SH3KBP1: variants seen among roughly 807,000 people sequenced by gnomAD.
The protein encoded by SH3KBP1 is SH3 domain-containing kinase-binding protein 1.
SH3KBP1 carries 8 observed loss-of-function variants against 50.1 expected under a neutral mutation model. The observed-to-expected ratio is 0.16, with a 90% confidence interval of 0.09 to 0.29. The LOEUF (loss-of-function observed/expected upper bound fraction) is 0.29. Ranked by LOEUF, SH3KBP1 falls within the 10% of genes least tolerant of loss-of-function variation. SH3KBP1 has a pLI of 1.00. For missense variants in SH3KBP1, 377 were observed against 535.2 expected, an observed-to-expected ratio of 0.70 and a Z score of 2.92; for synonymous variants, 227 against 218.6, an observed-to-expected ratio of 1.04 and a Z score of -0.34.
chrX:19,543,996 C>T (rs1167790073), intron 15 of SH3KBP1, among the ~76,000 whole-genome samples: 1 of 110,582 alleles, frequency 9.0e-6, no homozygotes, highest in Non-Finnish European at 1.9e-5. Context: ...AGCTTGGCAA[C>T]GCGGCCGTGA....
At chrX:19,763,975 A>G (rs1175598726) in intron 2 of SH3KBP1, among the ~76,000 whole-genome samples, 2 of 99,641 alleles carry the variant, frequency 2.0e-5, no homozygotes, top group Non-Finnish European at 4.0e-5. Context: ...ACAATTGCCC[A>G]CTGCATTCCA....
chrX:19,625,174 A>G (rs193253487), intron 8 of SH3KBP1, among the ~76,000 whole-genome samples: 46 of 112,109 alleles, frequency 4.1e-4, no homozygotes, highest in Non-Finnish European at 6.4e-4. Context: ...TGGGGTGGGA[A>G]GCAAGGAAGT....
intron 3 of SH3KBP1, among the ~76,000 whole-genome samples, chrX:19,736,999 G>C (rs752879815): frequency 9.5e-6 from 1 of 105,725 alleles, no homozygotes; most frequent in African/African-American, 3.5e-5. Flanking sequence ...CTTCACTTCC[G>C]AGGCTCAGAC....
chrX:19,847,356 C>T (rs2068391418), intron 1 of SH3KBP1, among the ~76,000 whole-genome samples: 1 of 111,486 alleles, frequency 9.0e-6, no homozygotes, highest in Non-Finnish European at 1.9e-5. Context: ...GCATCTTCCT[C>T]CCTCAAGTGC....
intron 8 of SH3KBP1, among the ~76,000 whole-genome samples, chrX:19,615,755 G>A (rs1470538516): frequency 9.0e-6 from 1 of 111,681 alleles, no homozygotes; most frequent in Non-Finnish European, 1.9e-5. Context: ...AAGAAAAAAC[G>A]AGGACTACAC....
At chrX:19,794,296 G>A (rs1172055587) in intron 2 of SH3KBP1, among the ~76,000 whole-genome samples, 1 of 110,250 alleles carries the variant, frequency 9.1e-6, no homozygotes, top group African/African-American at 3.3e-5. Context: ...CAGCTACTCA[G>A]GAGGCTGAGA....
chrX:19,596,255 A>AT (rs1410268275), intron 9 of SH3KBP1, among the ~76,000 whole-genome samples: 1 of 111,970 alleles, frequency 8.9e-6, no homozygotes, highest in Admixed American at 9.5e-5. Context: ...AGTCACAGGA[A>AT]TTTTTTTGGT....
chrX:19,647,438 T>C (rs2062014637), intron 6 of SH3KBP1, among the ~76,000 whole-genome samples: 1 of 111,888 alleles, frequency 8.9e-6, no homozygotes, highest in Admixed American at 9.5e-5. Context: ...ACTTCCAAGC[T>C]ACCAGACATC....
chrX:19,859,697 C>T (rs1439211208), intron 1 of SH3KBP1, among the ~76,000 whole-genome samples: 1 of 111,222 alleles, frequency 9.0e-6, no homozygotes, highest in Non-Finnish European at 1.9e-5. Flanking sequence ...AGGCCTTTGA[C>T]CCTGTCCAGT....
chrX:19,557,385 G>A (rs1168109533), intron 13 of SH3KBP1, among the ~76,000 whole-genome samples: 1 of 112,213 alleles, frequency 8.9e-6, no homozygotes, highest in Non-Finnish European at 1.9e-5. Flanking sequence ...TCAAGAATAA[G>A]AGAGGGAGAT....
intron 11 of SH3KBP1, among the ~76,000 whole-genome samples, chrX:19,590,956 C>T (rs749533200): frequency 9.4e-6 from 1 of 106,365 alleles, no homozygotes; most frequent in South Asian, 4.4e-4. Context: ...GCCACTGTGC[C>T]TGGCCATACC....
At position 19,706,989 on chromosome X, in the gene SH3KBP1, A is replaced by T. The variant is rs2063665179; in HGVS notation, c.287-5T>A. ...ACCGGCGCCTCCGTCGCTCGCCTGG[A>T]TGGGAAAAGCAAAATATTTAGAGAC... is the stretch of plus-strand genomic sequence containing the variant. On this transcript the variant is annotated splice_polypyrimidine_tract_variant and splice_region_variant and intron_variant, in intron 3 of 17. Coordinates refer to ENST00000397821, the MANE Select transcript of SH3KBP1 (RefSeq NM_031892.3). 8.4e-7 allele frequency: 1 copy of T among 1,187,267 alleles called. No individual in the cohort carries two copies. Among genetic ancestry groups the T allele is most frequent in the African/African-American group, 1.8e-5 (1 of 56,841 alleles).
chrX:19,736,257 T>C (rs773652737), intron 3 of SH3KBP1, among the ~76,000 whole-genome samples: 1 of 112,199 alleles, frequency 8.9e-6, no homozygotes, highest in African/African-American at 3.2e-5. Context: ...TCCCAAAACC[T>C]ATTTTCTTTA....
intron 2 of SH3KBP1, among the ~76,000 whole-genome samples, chrX:19,801,041 C>T (rs1376772320): frequency 4.5e-5 from 5 of 111,799 alleles, no homozygotes; most frequent in Non-Finnish European, 9.4e-5. Context: ...CATCCATTCC[C>T]CCATGGAGCC....
At chrX:19,778,576 C>T (rs1474476277) in intron 2 of SH3KBP1, among the ~76,000 whole-genome samples, 1 of 111,167 alleles carries the variant, frequency 9.0e-6, no homozygotes, top group African/African-American at 3.3e-5. Context: ...TCTTCACATA[C>T]TTCCCAAGGA....
rs778226941 is a variant in SH3KBP1, at chrX:19,756,492, T to C, written c.163-10051A>G. On this transcript the variant is annotated intron_variant, in intron 2 of 17. Transcript: ENST00000397821. ...GTCAGATTGTCAACAATTAAAAAAA[T>C]TGATAATGTCAGCAAGGGTGTAGGG... Among the ~76,000 whole-genome samples the C allele has an allele frequency of 1.2e-4, 13 of 111,367 alleles. No homozygotes were observed. The South Asian group carries it at 1.5e-3, about 13-fold the overall frequency.
In SH3KBP1 at chrX:19,569,177, G is replaced by C. The variant is rs1486472082; in HGVS notation, c.1310C>G (p.Pro437Arg). ...GPLTHTRGDS[P>R]KIDLAGSSLS... is the part of the protein sequence containing the mutation. ...CGAACTGCCGGCCAAGTCAATCTTT[G>C]GACTGTCACCCCTACATTAAAAACA... The change falls in exon 13 of 18, where the codon CCA becomes CGA. Residue 437 changes from proline (P) to arginine (R), a missense_variant. Coordinates refer to ENST00000397821, the MANE Select transcript of SH3KBP1 (RefSeq NM_031892.3). 1 of 1,206,419 alleles carries C rather than the reference G, an allele frequency of 8.3e-7. No homozygotes were observed. Among genetic ancestry groups the C allele is most frequent in the Non-Finnish European group, 1.1e-6 (1 of 890,487 alleles).
At chrX:19,543,255 G>A (rs779107679) in intron 15 of SH3KBP1, among the ~76,000 whole-genome samples, 11 of 111,576 alleles carry the variant, frequency 9.9e-5, no homozygotes, top group Non-Finnish European at 1.9e-4. Context: ...CAGGGACCAC[G>A]GGTGTGGTGC....
chrX:19,557,466 A>G (rs1273431547), intron 13 of SH3KBP1, among the ~76,000 whole-genome samples: 1 of 112,165 alleles, frequency 8.9e-6, no homozygotes, highest in Non-Finnish European at 1.9e-5. Flanking sequence ...GCATAGGGAT[A>G]GTTTTGAAAA....
Sources: allele counts gnomAD v4.1 joint callset (sites outside exome capture counted in the v4.1 genomes callset), GRCh38; gene constraint gnomAD v4.1.1; transcripts MANE v1.5; gene names NCBI Gene and HGNC (gene_info 2026-07-23, HGNC 2026-07-21).